The following SCAPER variants were observed in gnomAD, a reference collection of about 807,000 sequenced individuals.
The protein encoded by SCAPER is S phase cyclin A-associated protein in the endoplasmic reticulum.
A neutral mutation model predicts 182.2 loss-of-function variants in SCAPER; 98 were observed. That is an observed-to-expected ratio of 0.54 (90% CI 0.46 to 0.64). The LOEUF (loss-of-function observed/expected upper bound fraction) is 0.64, where lower values mean the gene tolerates loss of function less well. Ranked by LOEUF, SCAPER falls within the 30% of genes least tolerant of loss-of-function variation. SCAPER has a pLI of 0.00. For synonymous variants in SCAPER, 605 were observed against 564.6 expected, an observed-to-expected ratio of 1.07 and a Z score of -1.01; for missense variants, 1,432 against 1,690.0, an observed-to-expected ratio of 0.85 and a Z score of 2.68.
intron 26 of SCAPER, among the ~76,000 whole-genome samples, chr15:76,405,944 T>C (rs1448923863): frequency 1.3e-5 from 2 of 152,158 alleles, no homozygotes; most frequent in African/African-American, 2.4e-5. Context: ...ATGTTGAAGG[T>C]ACAAAATAGT....
At chr15:76,579,335 T>C (rs538209195) in intron 22 of SCAPER, among the ~76,000 whole-genome samples, 13 of 144,924 alleles carry the variant, frequency 9.0e-5, no homozygotes, top group Non-Finnish European at 1.8e-4. Context: ...CAAGAAGATA[T>C]GAATAGAAAC....
intron 23 of SCAPER, among the ~76,000 whole-genome samples, chr15:76,506,148 A>C (rs2041557723): frequency 6.6e-6 from 1 of 152,070 alleles, no homozygotes; most frequent in African/African-American, 2.4e-5. Flanking sequence ...AGGGTAGTTA[A>C]TGGGTACAAA....
At chr15:76,351,371 T>C (rs912886884) in intron 30 of SCAPER, 83 bp from the exon 31 acceptor site, 9 of 1,196,832 alleles carry the variant, frequency 7.5e-6, no homozygotes, top group African/African-American at 1.5e-5. Context: ...ATACTTCTGA[T>C]TCATGCAACC....
At chr15:76,865,034 ATAAC>A (rs1329878442) in intron 2 of SCAPER, among the ~76,000 whole-genome samples, 2 of 152,302 alleles carry the variant, frequency 1.3e-5, no homozygotes, top group South Asian at 2.1e-4. Flanking sequence ...TCACTATACT[ATAAC>A]TAACAAAATC....
chr15:76,466,498 G>A (rs1462815752), intron 25 of SCAPER, among the ~76,000 whole-genome samples: 1 of 129,688 alleles, frequency 7.7e-6, no homozygotes, highest in Non-Finnish European at 1.6e-5. Flanking sequence ...GTTACCTTGA[G>A]CTCATACAGC....
intron 15 of SCAPER, chr15:76,736,889 G>A (rs1209428667): frequency 1.2e-5 from 2 of 160,248 alleles, no homozygotes; most frequent in Non-Finnish European, 2.7e-5. Flanking sequence ...GAGGTATCTC[G>A]TTTATTTAAT....
rs964528810 is a variant in SCAPER, at chr15:76,574,070, A to G, written c.2838+88T>C. On this transcript the variant is annotated intron_variant, in intron 23 of 31. Transcript: ENST00000563290. ...TAAAAAACACAGAAGAAAGGTATAT[A>G]CTGAGTCTGCCTTATAGCTCTATGT... 6 of 1,351,270 alleles carry G rather than the reference A, an allele frequency of 4.4e-6. No individual in the cohort carries two copies. In the African/African-American group the frequency reaches 7.3e-5, roughly 16 times the overall value. The allele number at this position is 1,351,270 out of a possible 1,614,324, so 83.7% of individuals were successfully genotyped here. A position where few individuals can be genotyped will look rare whatever the true frequency, so the allele number is the denominator to read the frequency against.
intron 26 of SCAPER, among the ~76,000 whole-genome samples, chr15:76,408,350 C>T (rs1015731948): frequency 2.6e-5 from 4 of 152,064 alleles, no homozygotes; most frequent in African/African-American, 9.7e-5. Context: ...TTCTAGAGGT[C>T]TGACTGGATA....
chr15:76,562,805 C>A (rs1443076830), intron 23 of SCAPER, among the ~76,000 whole-genome samples: 1 of 152,154 alleles, frequency 6.6e-6, no homozygotes, highest in Non-Finnish European at 1.5e-5. Context: ...TACATGCTTA[C>A]AGGCACATTT....
chr15:76,713,617 T>C (rs2059716583), intron 17 of SCAPER, among the ~76,000 whole-genome samples: 1 of 147,364 alleles, frequency 6.8e-6, no homozygotes, highest in Non-Finnish European at 1.5e-5. Context: ...CATCACACTC[T>C]GGGGACTGTT....
chr15:76,769,534 G>A (rs1156650236), intron 10 of SCAPER, among the ~76,000 whole-genome samples: 2 of 150,024 alleles, frequency 1.3e-5, no homozygotes, highest in Admixed American at 1.3e-4. Context: ...CTCAAAAGAA[G>A]ACATTTGTGC....
intron 27 of SCAPER, among the ~76,000 whole-genome samples, chr15:76,393,560 T>A (rs1394880052): frequency 6.6e-6 from 1 of 152,204 alleles, no homozygotes. Flanking sequence ...GGGTGGAAAG[T>A]AGCAGGCTAT....
intron 20 of SCAPER, among the ~76,000 whole-genome samples, chr15:76,670,904 A>G (rs1183472333): frequency 6.6e-6 from 1 of 152,214 alleles, no homozygotes; most frequent in Non-Finnish European, 1.5e-5. Context: ...TCTGTCCATT[A>G]AAATAATTAC....
At chr15:76,466,073 G>A (rs764149776) in intron 25 of SCAPER, among the ~76,000 whole-genome samples, 6 of 151,874 alleles carry the variant, frequency 4.0e-5, no homozygotes, top group South Asian at 2.1e-4. Context: ...TCTTATTTGG[G>A]GTCCTTTAGT....
chr15:76,676,567 A>T (rs2057381215), intron 20 of SCAPER, among the ~76,000 whole-genome samples: 1 of 152,188 alleles, frequency 6.6e-6, no homozygotes. Context: ...GTACAAAAAG[A>T]TTTCTCTATA....
intron 17 of SCAPER, among the ~76,000 whole-genome samples, chr15:76,725,054 A>G (rs978814030): frequency 1.3e-5 from 2 of 152,032 alleles, no homozygotes; most frequent in African/African-American, 4.8e-5. Context: ...AGCTGTTCCT[A>G]TTCGGTCATC....
chr15:76,545,833 A>G (rs1333522644), intron 23 of SCAPER, among the ~76,000 whole-genome samples: 2 of 152,164 alleles, frequency 1.3e-5, no homozygotes, highest in African/African-American at 4.8e-5. Context: ...GAAATTAACT[A>G]TAGAAATTTG....
At chr15:76,653,792 C>G (rs1449984313) in intron 21 of SCAPER, among the ~76,000 whole-genome samples, 1 of 152,194 alleles carries the variant, frequency 6.6e-6, no homozygotes, top group Non-Finnish European at 1.5e-5. Context: ...AACATCACCA[C>G]TGGCAAATAA....
At chr15:76,687,392 A>T (rs188859221) in intron 20 of SCAPER, among the ~76,000 whole-genome samples, 1 of 152,322 alleles carries the variant, frequency 6.6e-6, no homozygotes, top group African/African-American at 2.4e-5. Flanking sequence ...TTATCCGATA[A>T]AAGTAAAAAT....
Sources: gnomAD v4.1 joint callset for allele counts (sites outside exome capture counted in the v4.1 genomes callset) on GRCh38, gnomAD v4.1.1 for gene constraint, MANE v1.5 for transcripts, NCBI Gene and HGNC (gene_info 2026-07-23, HGNC 2026-07-21) for gene names.